Variants in ECI1 observed in about 807,000 individuals in gnomAD.
ECI1 encodes the protein enoyl-CoA delta isomerase 1.
Under a neutral mutation model 34.2 loss-of-function variants are expected in ECI1, and 34 were observed. The observed-to-expected ratio is 1.00, with a 90% CI of 0.76 to 1.33. ECI1 has a LOEUF of 1.33. ECI1 is among the 40% of genes most tolerant of loss of function. ECI1 has a pLI of 0.00. For synonymous variants in ECI1, 211 were observed against 193.0 expected (o/e 1.09, Z -0.77); for missense variants, 456 against 422.2 (o/e 1.08, Z -0.70).
At chr16:2,246,830 C>T (rs2093541320) in intron 3 of ECI1, 29 bp downstream of exon 3, 1 of 1,611,376 alleles carries the variant, frequency 6.2e-7, no homozygotes, top group Non-Finnish European at 8.5e-7. Context: ...AGAACTCGGG[C>T]TGGGGTAGGG....
intron 2 of ECI1, 43 bp from the exon 3 acceptor site, chr16:2,247,029 G>C (rs1231112124): frequency 6.2e-7 from 1 of 1,605,404 alleles, no homozygotes; most frequent in Non-Finnish European, 8.5e-7. Flanking sequence ...CCTGGCACTG[G>C]AAAAGCAGCC....
chr16:2,240,470 C>T, intron 6 of ECI1: 1 of 318,772 alleles, frequency 3.1e-6, no homozygotes, highest in Admixed American at 4.5e-5. Flanking sequence ...CTCGGCCTCC[C>T]CAAGTGCTGG....
chr16:2,250,261 CAAAAAAAAAAAAAA>C (rs560687371), intron 2 of ECI1, among the ~76,000 whole-genome samples: 1,829 of 67,742 alleles, frequency 0.027, 155 homozygotes, highest in Admixed American at 0.22. Context: ...ACTACATCTC[CAAAAAAAAAAAAAA>C]AAAAAAAAAA....
Position 2,244,641 on chromosome 16 carries a change from C to T in ECI1, c.295-89G>A, listed in dbSNP as rs763165861. ...AGGGCTGGGGAGCCCAGGTGCACGACGCACAGCAGGGCCAGGTCACGCTCA... is the reference window on the plus strand; with the variant it reads ...AGGGCTGGGGAGCCCAGGTGCACGATGCACAGCAGGGCCAGGTCACGCTCA... On this transcript the variant is annotated intron_variant, in intron 3 of 6. Coordinates refer to ENST00000301729, the MANE Select transcript of ECI1 (RefSeq NM_001919.4). 2.5e-4 allele frequency: 357 copies of T among 1,412,012 alleles called. 3 individuals are homozygous for T. Among genetic ancestry groups the T allele is most frequent in the East Asian group, 2.0e-4 (8 of 40,208 alleles). 87.5% of individuals were successfully genotyped at this position (1,412,012 alleles called of 1,614,324 possible). A position where few individuals can be genotyped will look rare whatever the true frequency, so the allele number is the denominator to read the frequency against.
chr16:2,246,849 T>G lies in ECI1; in HGVS notation c.294+10A>C, dbSNP rs978942017. On this transcript the variant is annotated intron_variant, in intron 3 of 6. Transcript: ENST00000301729. ...CTCGGGCTGGGGTAGGGAGCTGAAC[T>G]AGCACCTACCGAGGTCAGAATGACA... 1 of 1,612,108 alleles carries G rather than the reference T, an allele frequency of 6.2e-7. No individual in the cohort carries two copies.
chr16:2,245,862 T>G (rs2093539116), intron 3 of ECI1, among the ~76,000 whole-genome samples: 1 of 151,956 alleles, frequency 6.6e-6, no homozygotes, highest in Non-Finnish European at 1.5e-5. Flanking sequence ...TTTTAAAAAT[T>G]TTCAAGATTC....
rs939145864 is a variant in ECI1 at position 2,239,887 on chromosome 16, G to A, written c.*92C>T. ...CGTAACATCAGCAAAATGAAACGCT[G>A]GCAGTACTTTTAAGTTGAAAAATAC... On this transcript the variant is annotated 3_prime_UTR_variant, in exon 7 of 7. Transcript: ENST00000301729. The A allele has an allele frequency of 1.3e-5, 18 of 1,352,876 alleles. No homozygotes were observed. The African/African-American group carries it at 2.2e-4, about 16-fold the overall frequency. The allele number at this position is 1,352,876 out of a possible 1,614,324, so 83.8% of individuals were successfully genotyped here.
chr16:2,243,126 C>A lies in ECI1; in HGVS notation c.662G>T (p.Gly221Val). 1 of 1,606,250 alleles carries A rather than the reference C, an allele frequency of 6.2e-7. No individual in the cohort carries two copies. Among genetic ancestry groups the A allele is most frequent in the Admixed American group, 1.7e-5 (1 of 60,012 alleles). The change falls in exon 6 of 7, where the codon GGC becomes GTC. Residue 221 changes from glycine to valine, a missense_variant. Transcript: ENST00000301729. ...CTCCGGGACCACCTGGTCCACTATG[C>A]CCACCTGCAGGGCCTCCGCCGGCGG... ...LFPPAEALQV[G>V]IVDQVVPEEQ...
chr16:2,240,307 G>A (rs1204515525), intron 6 of ECI1, among the ~76,000 whole-genome samples, 162 bp from the exon 7 acceptor site: 1 of 151,864 alleles, frequency 6.6e-6, no homozygotes, highest in Admixed American at 6.6e-5. Flanking sequence ...CGCCTCCCGA[G>A]TTCAAGTGAT....
In ECI1 at chr16:2,239,993, C is replaced by T; in HGVS notation, c.895G>A (p.Glu299Lys). Residue 299 changes from glutamate (E) to lysine (K), a missense_variant, in exon 7 of 7, where the codon GAA (glutamate) becomes AAA (lysine). Glu to Lys is a moderately conservative substitution (Grantham distance 56). Transcript: ENST00000301729. The part of the protein sequence containing the change: ...SLQMYLERLK[E>K]EKG ...CAGCCCAATCGTTAGCCTTTTTCTT[C>T]TTTGAGCCTCTCTAAGTACATCTGC... The T allele has an allele frequency of 6.2e-7, 1 of 1,613,818 alleles. No homozygotes were observed. Among genetic ancestry groups the T allele is most frequent in the Non-Finnish European group, 8.5e-7 (1 of 1,180,030 alleles).
At chr16:2,241,308 T>A (rs142393423) in intron 6 of ECI1, among the ~76,000 whole-genome samples, 14 of 152,250 alleles carry the variant, frequency 9.2e-5, no homozygotes, top group African/African-American at 3.4e-4. Context: ...TAGTTTTTAC[T>A]TTTTTTGAGA....
At chr16:2,248,893 C>T (rs1047565171) in intron 2 of ECI1, among the ~76,000 whole-genome samples, 20 of 152,226 alleles carry the variant, frequency 1.3e-4, no homozygotes, top group Non-Finnish European at 2.6e-4. Context: ...CGCCAGTCTG[C>T]GTTCTGTGTC....
chr16:2,243,659 T>C (rs559088681), intron 4 of ECI1, among the ~76,000 whole-genome samples: 54 of 152,328 alleles, frequency 3.5e-4, no homozygotes, highest in African/African-American at 1.2e-3. Context: ...AGGCTCGTCC[T>C]CAGCCGAGGG....
chr16:2,246,834 G>A, intron 3 of ECI1, 25 bp downstream of exon 3: 1 of 1,611,622 alleles, frequency 6.2e-7, no homozygotes, highest in African/African-American at 1.3e-5. Context: ...CTCGGGCTGG[G>A]GTAGGGAGCT....
rs751463939 is a variant in ECI1, at chr16:2,251,349, G to A, written c.133C>T (p.Gln45Ter). The A allele has an allele frequency of 9.6e-6, 12 of 1,248,332 alleles. No homozygotes were observed. The highest frequency in any genetic ancestry group is 3.5e-5 in the East Asian group (1 of 28,552). 77.3% of individuals were successfully genotyped at this position (1,248,332 alleles called of 1,614,324 possible). A position where few individuals can be genotyped will look rare whatever the true frequency, so the allele number is the denominator to read the frequency against. The change falls in exon 2 of 7, where the codon CAG (glutamine) becomes TAG (stop). Residue 45 changes from glutamine to a stop codon, truncating the protein, a stop_gained. Coordinates refer to ENST00000301729, the MANE Select transcript of ECI1 (RefSeq NM_001919.4). LOFTEE classifies it high-confidence loss of function. The stretch of plus-strand genomic sequence containing the variant: ...GCGTCCGGCTCCACCAGCACCCGCT[G>A]GCTCCCGAAGCGCCGCGCGCCGTCT... The part of the protein sequence containing the change: ...GGDGARRFGS[Q>*]RVLVEPDAGA...
At chr16:2,248,018 G>C (rs1013995242) in intron 2 of ECI1, among the ~76,000 whole-genome samples, 1 of 152,100 alleles carries the variant, frequency 6.6e-6, no homozygotes, top group African/African-American at 2.4e-5. Flanking sequence ...ATTGAAGTAA[G>C]ATCGATATAA....
chr16:2,239,924 C>CT lies in ECI1; in HGVS notation c.*54_*55insA. 1 of 1,576,920 alleles carries CT rather than the reference C, an allele frequency of 6.3e-7. No individual in the cohort carries two copies. Among genetic ancestry groups the CT allele is most frequent in the Non-Finnish European group, 8.7e-7 (1 of 1,146,958 alleles). On this transcript the variant is annotated 3_prime_UTR_variant, in exon 7 of 7. Coordinates refer to ENST00000301729, the MANE Select transcript of ECI1 (RefSeq NM_001919.4). ...AAGTTGAAAAATACCTTGTTTAAGA[C>CT]CTCCCTGGGACCCACAGGGGCACGT...
chr16:2,246,910 G>C lies in ECI1; in HGVS notation c.243C>G (p.Ser81Arg), dbSNP rs768684246. 6.2e-7 allele frequency: 1 copy of C among 1,613,854 alleles called. No homozygotes were observed. The highest frequency in any genetic ancestry group is 8.5e-7 in the Non-Finnish European group (1 of 1,180,030). ...TCTTGTCATTCTCCAGCTTCTCCAGGCTGATGACCAGCTCCGTCAGAAACT... is the reference window on the plus strand; with the variant it reads ...TCTTGTCATTCTCCAGCTTCTCCAGCCTGATGACCAGCTCCGTCAGAAACT... ...SLEFLTELVISLEKLENDKSF... is the reference protein window; with the variant it reads ...SLEFLTELVIRLEKLENDKSF... The change falls in exon 3 of 7, where the codon AGC (serine) becomes AGG (arginine). Residue 81 changes from serine to arginine, a missense_variant. Transcript: ENST00000301729.
chr16:2,247,690 G>A (rs894058278), intron 2 of ECI1, among the ~76,000 whole-genome samples: 1 of 152,104 alleles, frequency 6.6e-6, no homozygotes, highest in Non-Finnish European at 1.5e-5. Flanking sequence ...AAGCCACAGC[G>A]CCCGGCCTGG....
Sources: gnomAD v4.1 joint callset for allele counts (sites outside exome capture counted in the v4.1 genomes callset) on GRCh38, gnomAD v4.1.1 for gene constraint, MANE v1.5 for transcripts, NCBI Gene and HGNC (gene_info 2026-07-23, HGNC 2026-07-21) for gene names.